NTM: variants seen among roughly 807,000 people sequenced by gnomAD.
The protein encoded by NTM is neurotrimin.
Under a neutral mutation model 42.1 loss-of-function variants are expected in NTM, and 13 were observed. That is an observed-to-expected ratio of 0.31 (90% CI 0.20 to 0.49). The LOEUF (loss-of-function observed/expected upper bound fraction) is 0.49. Ranked by LOEUF, NTM falls within the 20% of genes least tolerant of loss-of-function variation. The pLI, the probability that NTM is intolerant of heterozygous loss-of-function variation, is 0.99. For synonymous variants in NTM, 187 were observed against 179.2 expected (o/e 1.04, Z -0.35); for missense variants, 373 against 452.8 (o/e 0.82, Z 1.60).
intron 2 of NTM, among the ~76,000 whole-genome samples, chr11:132,032,566 G>A (rs375624879): frequency 9.9e-4 from 151 of 152,192 alleles, no homozygotes; most frequent in East Asian, 3.1e-3. Flanking sequence ...AAGAGCCATC[G>A]CTCTTCCTCT....
intron 2 of NTM, among the ~76,000 whole-genome samples, chr11:131,972,743 G>C (rs1455824227): frequency 1.3e-5 from 2 of 152,182 alleles, no homozygotes; most frequent in Non-Finnish European, 2.9e-5. Context: ...CCCTGGAACA[G>C]AGGCAGTGTC....
At chr11:131,924,134 A>G (rs2057616714) in intron 2 of NTM, among the ~76,000 whole-genome samples, 1 of 152,232 alleles carries the variant, frequency 6.6e-6, no homozygotes, top group Non-Finnish European at 1.5e-5. Context: ...TGCACAGTGC[A>G]GGGCACGGAG....
chr11:131,902,710 T>C (rs1157899671), intron 1 of NTM, among the ~76,000 whole-genome samples: 1 of 152,162 alleles, frequency 6.6e-6, no homozygotes, highest in African/African-American at 2.4e-5. Flanking sequence ...CAAAATAACA[T>C]CACAGCAGTT....
chr11:131,479,903 A>T (rs929921688), intron 1 of NTM, among the ~76,000 whole-genome samples: 2 of 152,212 alleles, frequency 1.3e-5, no homozygotes, highest in Non-Finnish European at 2.9e-5. Context: ...TTTTTTAAAA[A>T]AATCAAAATC....
chr11:131,509,056 A>AT (rs1400265345), intron 1 of NTM, among the ~76,000 whole-genome samples: 42 of 152,048 alleles, frequency 2.8e-4, no homozygotes, highest in African/African-American at 1.0e-3. Context: ...AATAATAATA[A>AT]AAAAGAAATT....
intron 1 of NTM, among the ~76,000 whole-genome samples, chr11:131,395,953 G>T (rs993905458): frequency 6.6e-6 from 1 of 152,178 alleles, no homozygotes; most frequent in African/African-American, 2.4e-5. Flanking sequence ...GCAACAACCT[G>T]TGAGAAGTTC....
At chr11:132,004,308 G>A (rs1056463199) in intron 2 of NTM, among the ~76,000 whole-genome samples, 10 of 152,090 alleles carry the variant, frequency 6.6e-5, no homozygotes, top group African/African-American at 2.4e-4. Context: ...ATCCACTCCT[G>A]CCTTTAATCT....
chr11:131,913,014 T>C (rs2055527983), intron 2 of NTM, among the ~76,000 whole-genome samples: 1 of 152,184 alleles, frequency 6.6e-6, no homozygotes, highest in Non-Finnish European at 1.5e-5. Flanking sequence ...GGTGAACTCC[T>C]AGTTATTTGT....
intron 1 of NTM, among the ~76,000 whole-genome samples, chr11:131,711,614 A>G (rs1252211830): frequency 6.6e-6 from 1 of 152,136 alleles, no homozygotes; most frequent in Non-Finnish European, 1.5e-5. Flanking sequence ...CATTTGACCC[A>G]GCCATCCCAT....
chr11:131,854,419 G>T (rs79016398), intron 1 of NTM, among the ~76,000 whole-genome samples: 1 of 152,222 alleles, frequency 6.6e-6, no homozygotes, highest in Non-Finnish European at 1.5e-5. Context: ...TGGGGAATTC[G>T]CATGGTGTAA....
intron 2 of NTM, among the ~76,000 whole-genome samples, chr11:132,007,784 G>A (rs181751308): frequency 6.6e-6 from 1 of 152,262 alleles, no homozygotes; most frequent in African/African-American, 2.4e-5. Context: ...AACAGAGCTG[G>A]ATTTTCATCT....
At chr11:132,202,316 G>A (rs2081283296) in intron 3 of NTM, among the ~76,000 whole-genome samples, 1 of 152,194 alleles carries the variant, frequency 6.6e-6, no homozygotes, top group Non-Finnish European at 1.5e-5. Flanking sequence ...CTGGCAAAGT[G>A]CTCGGAATAG....
chr11:131,991,838 G>C (rs185271719), intron 2 of NTM, among the ~76,000 whole-genome samples: 156 of 152,314 alleles, frequency 1.0e-3, no homozygotes, highest in Non-Finnish European at 1.5e-3. Context: ...TGCAGGACAA[G>C]TAGTTAAGCT....
chr11:131,632,345 A>C (rs2472248), intron 1 of NTM, among the ~76,000 whole-genome samples: 111,578 of 152,022 alleles, frequency 0.73, 42,305 homozygotes, highest in Non-Finnish European at 0.84. Flanking sequence ...CTGGCTTCCA[A>C]TTTGTTAGTC....
intron 2 of NTM, among the ~76,000 whole-genome samples, chr11:132,017,986 C>A (rs1418940718): frequency 1.3e-5 from 2 of 152,038 alleles, no homozygotes; most frequent in Non-Finnish European, 2.9e-5. Context: ...TGAAACCTTG[C>A]TAAATTGTTT....
intron 1 of NTM, among the ~76,000 whole-genome samples, chr11:131,550,982 G>A (rs1238245966): frequency 1.3e-5 from 2 of 152,120 alleles, no homozygotes; most frequent in Admixed American, 6.5e-5. Flanking sequence ...CAGACCCGCT[G>A]ACTCTCCACC....
intron 2 of NTM, among the ~76,000 whole-genome samples, chr11:131,972,233 A>G (rs531336942): frequency 7.9e-5 from 12 of 152,060 alleles, no homozygotes; most frequent in Admixed American, 3.3e-4. Flanking sequence ...ATAAATACAT[A>G]CATACATACA....
chr11:131,878,983 G>A (rs917716827), intron 1 of NTM, among the ~76,000 whole-genome samples: 3 of 152,000 alleles, frequency 2.0e-5, no homozygotes, highest in Admixed American at 1.3e-4. Context: ...TGACACTGAT[G>A]TCAATACCAC....
At chr11:131,645,316 C>A (rs1043958515) in intron 1 of NTM, among the ~76,000 whole-genome samples, 4 of 152,188 alleles carry the variant, frequency 2.6e-5, no homozygotes, top group Non-Finnish European at 5.9e-5. Context: ...GGTCTCCTTT[C>A]TCCTCGCCGT....
Sources: allele counts gnomAD v4.1 joint callset (sites outside exome capture counted in the v4.1 genomes callset), GRCh38; gene constraint gnomAD v4.1.1; transcripts MANE v1.5; gene names NCBI Gene and HGNC (gene_info 2026-07-23, HGNC 2026-07-21).